Variants in ATP8B4 observed in about 807,000 individuals in gnomAD.
ATP8B4 encodes ATPase phospholipid transporting 8B4 (putative), also known as probable phospholipid-transporting ATPase IM.
Under a neutral mutation model 145.6 loss-of-function variants are expected in ATP8B4, and 133 were observed. That is an observed-to-expected ratio of 0.91 (90% CI 0.79 to 1.05). ATP8B4 has a LOEUF of 1.05. Ranked by LOEUF, ATP8B4 falls within the 50% of genes least tolerant of loss-of-function variation. The pLI is 0.00. For synonymous variants in ATP8B4, 507 were observed against 492.9 expected (o/e 1.03, Z -0.38); for missense variants, 1,458 against 1,425.2 (o/e 1.02, Z -0.37).
chr15:49,969,612 G>GA (rs1308284794), intron 13 of ATP8B4, among the ~76,000 whole-genome samples: 5 of 152,262 alleles, frequency 3.3e-5, no homozygotes, highest in Non-Finnish European at 5.9e-5. Context: ...AACAAGTTCT[G>GA]AAATTGAGGC....
At chr15:50,176,509 T>A (rs2044764993) in intron 1 of ATP8B4, among the ~76,000 whole-genome samples, 1 of 151,240 alleles carries the variant, frequency 6.6e-6, no homozygotes, top group South Asian at 2.1e-4. Context: ...CCCCAATAAC[T>A]TATGGAAAAA....
chr15:49,918,411 C>A (rs988446140), intron 19 of ATP8B4, among the ~76,000 whole-genome samples: 3 of 152,184 alleles, frequency 2.0e-5, no homozygotes, highest in African/African-American at 7.2e-5. Context: ...TCCCATCACC[C>A]TGACACTTCC....
chr15:50,070,901 C>T (rs1203026031), intron 3 of ATP8B4, among the ~76,000 whole-genome samples: 2 of 152,098 alleles, frequency 1.3e-5, no homozygotes, highest in Non-Finnish European at 2.9e-5. Context: ...CACCACCACA[C>T]CTGGCTAATT....
At chr15:49,950,803 T>C (rs903399095) in intron 14 of ATP8B4, among the ~76,000 whole-genome samples, 3 of 152,154 alleles carry the variant, frequency 2.0e-5, no homozygotes, top group Admixed American at 1.3e-4. Flanking sequence ...GGGTGTTGAT[T>C]TGAGAACTTT....
chr15:49,993,535 C>T (rs973608023), intron 9 of ATP8B4, among the ~76,000 whole-genome samples: 1 of 152,144 alleles, frequency 6.6e-6, no homozygotes, highest in African/African-American at 2.4e-5. Context: ...GACTTCCATG[C>T]CGCACCTTGC....
At chr15:49,875,367 A>G (rs1440114998) in intron 25 of ATP8B4, among the ~76,000 whole-genome samples, 2 of 152,164 alleles carry the variant, frequency 1.3e-5, no homozygotes, top group African/African-American at 2.4e-5. Flanking sequence ...GTCCCTGTAC[A>G]CCCCACCACT....
chr15:50,032,214 G>A (rs2050501065), intron 6 of ATP8B4, among the ~76,000 whole-genome samples: 1 of 151,596 alleles, frequency 6.6e-6, no homozygotes, highest in Admixed American at 6.6e-5. Context: ...GCCCTGGTGT[G>A]TGATGTTCCC....
upstream of ATP8B4, among the ~76,000 whole-genome samples, chr15:50,122,688 A>G (rs12904370): frequency 0.21 from 32,213 of 152,106 alleles, 3,982 homozygotes; most frequent in Middle Eastern, 0.31. Flanking sequence ...AAAGAAAATC[A>G]GAACAAAGTA....
At position 49,919,986 on chromosome 15, in the gene ATP8B4, A is replaced by G. The variant is rs574753838; in HGVS notation, c.1923+260T>C. ...ACATCAAGGACCATCAGAGGTTGAC[A>G]AAGAATAGGTAGCCTACTATCTTCT... On this transcript the variant is annotated intron_variant, in intron 18 of 27. Coordinates refer to ENST00000284509, the MANE Select transcript of ATP8B4 (RefSeq NM_024837.4). Among the ~76,000 whole-genome samples the G allele has an allele frequency of 3.3e-5, 5 of 152,342 alleles. No individual in the cohort carries two copies. In the East Asian group the frequency reaches 9.6e-4, roughly 29 times the overall value.
intron 3 of ATP8B4, among the ~76,000 whole-genome samples, chr15:50,065,408 C>T (rs918017192): frequency 1.3e-5 from 2 of 152,068 alleles, no homozygotes; most frequent in Non-Finnish European, 1.5e-5. Flanking sequence ...ATTCCCAGAA[C>T]CAGACCATTT....
chr15:49,992,549 G>T (rs1046785531), intron 9 of ATP8B4, among the ~76,000 whole-genome samples: 1 of 152,158 alleles, frequency 6.6e-6, no homozygotes, highest in Non-Finnish European at 1.5e-5. Flanking sequence ...GACATCCTGA[G>T]ATTTCAACCC....
At chr15:50,153,604 T>G (rs1345032329) in intron 1 of ATP8B4, among the ~76,000 whole-genome samples, 1 of 151,918 alleles carries the variant, frequency 6.6e-6, no homozygotes, top group Non-Finnish European at 1.5e-5. Flanking sequence ...CCCAAAGTGC[T>G]GGGATTACAG....
chr15:49,867,196 G>C (rs927942087), intron 25 of ATP8B4, among the ~76,000 whole-genome samples: 3 of 152,162 alleles, frequency 2.0e-5, no homozygotes, highest in African/African-American at 7.2e-5. Flanking sequence ...AAAAAAGTAG[G>C]TTCTGGTATC....
chr15:49,948,454 A>G (rs2042773130), intron 14 of ATP8B4, among the ~76,000 whole-genome samples: 1 of 152,150 alleles, frequency 6.6e-6, no homozygotes. Context: ...GTCTCAAAAA[A>G]AAGACTGCTC....
intron 14 of ATP8B4, among the ~76,000 whole-genome samples, chr15:49,959,230 G>A (rs1187777587): frequency 6.6e-6 from 1 of 151,876 alleles, no homozygotes; most frequent in Non-Finnish European, 1.5e-5. Flanking sequence ...CCTCATGGGT[G>A]ACAAAGGGCT....
chr15:50,147,379 G>T (rs1391671713), intron 1 of ATP8B4, among the ~76,000 whole-genome samples: 1 of 144,810 alleles, frequency 6.9e-6, no homozygotes, highest in East Asian at 2.0e-4. Context: ...TCACACCACT[G>T]CACTCCATCC....
At chr15:50,062,286 C>A (rs1479506923) in intron 3 of ATP8B4, among the ~76,000 whole-genome samples, 1 of 152,078 alleles carries the variant, frequency 6.6e-6, no homozygotes, top group Non-Finnish European at 1.5e-5. Flanking sequence ...CTAGTGAGAT[C>A]TTGTCATTTA....
intron 23 of ATP8B4, among the ~76,000 whole-genome samples, chr15:49,881,824 A>G (rs1566923358): frequency 6.6e-6 from 1 of 152,232 alleles, no homozygotes; most frequent in Non-Finnish European, 1.5e-5. Flanking sequence ...AAAAAAGTTG[A>G]GAAAAAAACA....
Position 49,979,799 on chromosome 15 carries a change from C to G in ATP8B4, c.852G>C (p.Leu284=). The G allele has an allele frequency of 6.3e-7, 1 of 1,585,600 alleles. No homozygotes were observed. Among genetic ancestry groups the G allele is most frequent in the Non-Finnish European group, 8.6e-7 (1 of 1,162,846 alleles). ...TTGCAAGAATAATTCCCAAGCATAT[C>G]AGAAACCCAAAAATCTGAAATAAGA... ...NTLVLWIFGF[L]ICLGIILAIG... Residue 284 remains leucine (L), a synonymous_variant, in exon 12 of 28, where the codon CTG becomes CTC. Transcript: ENST00000284509.
Sources: allele counts gnomAD v4.1 joint callset (sites outside exome capture counted in the v4.1 genomes callset), GRCh38; gene constraint gnomAD v4.1.1; transcripts MANE v1.5; gene names NCBI Gene and HGNC (gene_info 2026-07-23, HGNC 2026-07-21).